The following MYO16 variants were observed in gnomAD, a reference collection of about 807,000 sequenced individuals.
MYO16 encodes the protein myosin XVI.
MYO16 carries 94 observed loss-of-function variants against 205.3 expected under a neutral mutation model. The observed-to-expected ratio is 0.46, with a 90% CI of 0.39 to 0.54. The LOEUF (loss-of-function observed/expected upper bound fraction) is 0.54, where lower values mean the gene tolerates loss of function less well. Among genes scored for constraint, MYO16 ranks in the 20% least tolerant of loss-of-function variants. The probability of loss-of-function intolerance (pLI) is 0.00; values close to 1 mark genes in which losing one functional copy is unlikely to be tolerated. For missense variants in MYO16, 2,315 were observed against 2,387.5 expected (o/e 0.97, Z 0.63); for synonymous variants, 988 against 954.0 (o/e 1.04, Z -0.66).
intron 3 of MYO16, among the ~76,000 whole-genome samples, chr13:108,720,635 G>C (rs978174789): frequency 6.6e-6 from 1 of 152,080 alleles, no homozygotes. Context: ...TGACATTCAC[G>C]AAGACAACCC....
chr13:109,019,676 G>T, intron 22 of MYO16, 35 bp from the exon 23 acceptor site: 1 of 1,539,724 alleles, frequency 6.5e-7, no homozygotes, highest in South Asian at 1.1e-5. Context: ...CTAAGTAATA[G>T]ACAAAACAAC....
chr13:108,645,350 C>A lies in MYO16; in HGVS notation c.28+15478C>A, dbSNP rs559927771. Among the ~76,000 whole-genome samples, 7 of 152,296 alleles carry A rather than the reference C, an allele frequency of 4.6e-5. No homozygotes were observed. In the South Asian group the frequency reaches 1.2e-3, roughly 27 times the overall value. On this transcript the variant is annotated intron_variant, in intron 1 of 34. Coordinates refer to ENST00000457511, the MANE Select transcript of MYO16 (RefSeq NM_001198950.3). Reference sequence around the variant, plus strand: ...TTAATGAAGTCATGTTTCAGCAGTTCTTTTCTTGATTCCCCAGTGTCTACG... The same window carrying A: ...TTAATGAAGTCATGTTTCAGCAGTTATTTTCTTGATTCCCCAGTGTCTACG...
chr13:109,144,403 T>C (rs1877237469), intron 32 of MYO16, among the ~76,000 whole-genome samples: 1 of 152,182 alleles, frequency 6.6e-6, no homozygotes, highest in Non-Finnish European at 1.5e-5. Flanking sequence ...GGCCATTCTT[T>C]TAGAATGTAG....
rs1182034223 is a variant in MYO16 at position 108,888,354 on chromosome 13, CCT to C, written c.1554-13_1554-12del. 10 of 1,534,768 alleles carry C rather than the reference CCT, an allele frequency of 6.5e-6. No individual in the cohort carries two copies. Among genetic ancestry groups the C allele is most frequent in the Non-Finnish European group, 8.8e-6 (10 of 1,136,718 alleles). On this transcript the variant is annotated splice_polypyrimidine_tract_variant and intron_variant, in intron 13 of 34. Coordinates refer to ENST00000457511, the MANE Select transcript of MYO16 (RefSeq NM_001198950.3). ...AAAGTTCCTTCAAACTTATGTTTTT[CCT>C]CTCTGTTTTCCTTAGTGGAGAAAGG... is the stretch of plus-strand genomic sequence containing the variant.
At chr13:109,103,006 A>G (rs34861758) in intron 28 of MYO16, among the ~76,000 whole-genome samples, 2,025 of 152,284 alleles carry the variant, frequency 0.013, 26 homozygotes, top group South Asian at 0.032. Context: ...CTAGTCAGAA[A>G]AGACAGTATT....
At position 108,651,016 on chromosome 13, in the gene MYO16, C is replaced by T. The variant is rs371175950; in HGVS notation, c.29-14870C>T. Among the ~76,000 whole-genome samples the T allele has an allele frequency of 5.3e-5, 8 of 152,250 alleles. No homozygotes were observed. In the East Asian group the frequency reaches 5.8e-4, roughly 11 times the overall value. Reference sequence around the variant, plus strand: ...TTGGATCATCCCTGTGAGGTAGACACGAGACACAGAGAGGAAAAGGAATCT... The same window carrying T: ...TTGGATCATCCCTGTGAGGTAGACATGAGACACAGAGAGGAAAAGGAATCT... On this transcript the variant is annotated intron_variant, in intron 1 of 34. Transcript: ENST00000457511.
At chr13:108,577,997 T>G in the MYO16 span, among the ~76,000 whole-genome samples, 6 of 152,194 alleles carry the variant, frequency 3.9e-5, no homozygotes, top group Admixed American at 1.3e-4. Flanking sequence ...CAAGTATATA[T>G]TGTGTGCTCC....
Position 109,055,455 on chromosome 13 carries a change from G to A in MYO16, c.3195G>A (p.Arg1065=). ...CTCCACACTTCATTCATTGCATCAG[G>A]CCCAATAACTCAAAGCTGCCAGATA... is the stretch of plus-strand genomic sequence containing the variant. ...KCTPHFIHCI[R]PNNSKLPDTF... The change falls in exon 27 of 35, where the codon AGG becomes AGA. Residue 1065 remains arginine (R), a synonymous_variant. Coordinates refer to ENST00000457511, the MANE Select transcript of MYO16 (RefSeq NM_001198950.3). The surrounding 1 kb of genome is among the most constrained non-coding windows in gnomAD (Gnocchi z 5.0). 6.2e-7 allele frequency: 1 copy of A among 1,613,092 alleles called. No homozygotes were observed. Among genetic ancestry groups the A allele is most frequent in the Non-Finnish European group, 8.5e-7 (1 of 1,179,472 alleles).
intron 32 of MYO16, among the ~76,000 whole-genome samples, chr13:109,144,548 A>G (rs115989843): frequency 0.017 from 2,538 of 152,302 alleles, 63 homozygotes; most frequent in African/African-American, 0.057. Flanking sequence ...AATGAATTCA[A>G]TGACTTTTAT....
intron 16 of MYO16, among the ~76,000 whole-genome samples, chr13:108,954,128 T>C (rs2139347770): frequency 6.6e-6 from 1 of 152,364 alleles, no homozygotes. Flanking sequence ...ATAGCTGCTG[T>C]AAATTCTAGG....
Position 108,785,596 on chromosome 13 carries a change from A to G in MYO16, c.508-39A>G. On this transcript the variant is annotated intron_variant, in intron 4 of 34. Coordinates refer to ENST00000457511, the MANE Select transcript of MYO16 (RefSeq NM_001198950.3). The stretch of plus-strand genomic sequence containing the variant: ...AACTCCTAATCTGCTTTTAATTTAA[A>G]CAGTATATATGATGTTATATTTTTT... The G allele has an allele frequency of 2.4e-6, 3 of 1,243,926 alleles. No homozygotes were observed. In the South Asian group the frequency reaches 4.3e-5, roughly 18 times the overall value. 77.1% of individuals were successfully genotyped at this position (1,243,926 alleles called of 1,614,324 possible). A position where few individuals can be genotyped will look rare whatever the true frequency, so the allele number is the denominator to read the frequency against.
At chr13:108,691,415 T>TGA (rs930890862) in intron 2 of MYO16, among the ~76,000 whole-genome samples, 1 of 151,634 alleles carries the variant, frequency 6.6e-6, no homozygotes, top group Non-Finnish European at 1.5e-5. Flanking sequence ...TGTGTGTTTG[T>TGA]GAGAGAGAGA....
rs567825917 is a variant in MYO16 at position 108,760,425 on chromosome 13, A to G, written c.508-25210A>G. ...TTTAGAAAACTTATAAATCTATTCC[A>G]TATCTGCTTCTTCTTGGCTGACAGT... On this transcript the variant is annotated intron_variant, in intron 4 of 34. Coordinates refer to ENST00000457511, the MANE Select transcript of MYO16 (RefSeq NM_001198950.3). Among the ~76,000 whole-genome samples, 175 of 151,108 alleles carry G rather than the reference A, an allele frequency of 1.2e-3. 1 individual carries two copies. The South Asian group carries it at 0.036, about 31-fold the overall frequency.
chr13:108,728,911 ACTGT>A (rs1045272114), intron 4 of MYO16, among the ~76,000 whole-genome samples: 2 of 151,922 alleles, frequency 1.3e-5, no homozygotes, highest in African/African-American at 4.8e-5. Context: ...GTATATTGGG[ACTGT>A]CTTAATCTTG....
chr13:109,110,697 CA>C lies in MYO16; in HGVS notation c.3439-9670del, dbSNP rs781368526. 3.9e-5 allele frequency among the ~76,000 whole-genome samples: 6 copies of C among 152,200 alleles called. 1 individual carries two copies. The South Asian group carries it at 1.0e-3, about 26-fold the overall frequency. On this transcript the variant is annotated intron_variant, in intron 28 of 34. Coordinates refer to ENST00000457511, the MANE Select transcript of MYO16 (RefSeq NM_001198950.3). ...AGAATTTTTCTATTTAGTAGCTTTT[CA>C]AAGCAACCATGAAAATGTAGAGTGT...
chr13:109,164,374 A>G (rs1258246808), intron 32 of MYO16, among the ~76,000 whole-genome samples: 2 of 152,224 alleles, frequency 1.3e-5, no homozygotes, highest in Non-Finnish European at 2.9e-5. Context: ...AACATAGGAC[A>G]AGCATTACAT....
Position 108,981,004 on chromosome 13 carries a change from A to G in MYO16, c.2370-11372A>G, listed in dbSNP as rs909935955. 5.3e-5 allele frequency among the ~76,000 whole-genome samples: 8 copies of G among 152,372 alleles called. No homozygotes were observed. The East Asian group carries it at 1.5e-3, about 29-fold the overall frequency. ...ATATGAACCCCAGTATGCCAGACTT[A>G]AAAGCCTGAGTTTTTGCAAAAATGC... On this transcript the variant is annotated intron_variant, in intron 20 of 34. Coordinates refer to ENST00000457511, the MANE Select transcript of MYO16 (RefSeq NM_001198950.3).
At chr13:108,516,343 GTGCGCGCACACACTGGCC>G in the MYO16 span, among the ~76,000 whole-genome samples, 2 of 151,770 alleles carry the variant, frequency 1.3e-5, no homozygotes, top group Non-Finnish European at 2.9e-5. Context: ...CTCGCGCACG[GTGCGCGCACACACTGGCC>G]TGCGCCCACT....
At chr13:108,997,312 GAAA>G in intron 21 of MYO16, among the ~76,000 whole-genome samples, 1 of 2,218 alleles carries the variant, frequency 4.5e-4, no homozygotes, top group Admixed American at 5.0e-3. Context: ...AAGAAAGAAA[GAAA>G]GAAAGAAAGA....
Sources: gnomAD v4.1 joint callset for allele counts (sites outside exome capture counted in the v4.1 genomes callset) on GRCh38, gnomAD v4.1.1 for gene constraint, Gnocchi (gnomAD v3.1) non-coding constraint, MANE v1.5 for transcripts, NCBI Gene and HGNC (gene_info 2026-07-23, HGNC 2026-07-21) for gene names.